The following TCERG1L variants were observed in gnomAD, a reference collection of about 807,000 sequenced individuals.
The protein encoded by TCERG1L is transcription elongation regulator 1-like protein.
Under a neutral mutation model 56.3 loss-of-function variants are expected in TCERG1L, and 37 were observed. The observed-to-expected ratio is 0.66, with a 90% CI of 0.51 to 0.87. TCERG1L has a LOEUF of 0.87. TCERG1L is among the 40% of genes least tolerant of loss of function. The pLI is 0.00. For synonymous variants in TCERG1L, 324 were observed against 326.3 expected, an observed-to-expected ratio of 0.99 and a Z score of 0.08; for missense variants, 799 against 774.2, an observed-to-expected ratio of 1.03 and a Z score of -0.38.
chr10:131,234,919 G>A (rs1845898270), intron 4 of TCERG1L, among the ~76,000 whole-genome samples: 1 of 152,192 alleles, frequency 6.6e-6, no homozygotes, highest in African/African-American at 2.4e-5. Context: ...GGCCAGGATG[G>A]TCTCGATCTT....
Position 131,237,298 on chromosome 10 carries a change from C to G in TCERG1L, c.856+22961G>C, listed in dbSNP as rs186560366. 2.3e-3 allele frequency among the ~76,000 whole-genome samples: 351 copies of G among 152,290 alleles called. 3 individuals carry two copies. The highest frequency in any genetic ancestry group is 7.9e-3 in the African/African-American group (330 of 41,564). ...CCTCCAGCCTGAGCTCCCCTCCCTC[C>G]CCTGCTCTGTCCACTTCCCATGCTG... On this transcript the variant is annotated intron_variant, in intron 4 of 11. Coordinates refer to ENST00000368642, the MANE Select transcript of TCERG1L (RefSeq NM_174937.4).
intron 9 of TCERG1L, among the ~76,000 whole-genome samples, chr10:131,108,574 C>A (rs1845377472): frequency 6.6e-6 from 1 of 152,200 alleles, no homozygotes; most frequent in African/African-American, 2.4e-5. Context: ...GGCGGCTGAC[C>A]AGTGCCCAGT....
intron 4 of TCERG1L, among the ~76,000 whole-genome samples, chr10:131,248,083 GCACA>G (rs965824856): frequency 4.0e-5 from 6 of 151,010 alleles, no homozygotes; most frequent in African/African-American, 1.5e-4. Flanking sequence ...TGACTCATAT[GCACA>G]CACACACATG....
At chr10:131,194,492 T>C (rs1274269990) in intron 4 of TCERG1L, among the ~76,000 whole-genome samples, 2 of 152,214 alleles carry the variant, frequency 1.3e-5, no homozygotes, top group Non-Finnish European at 2.9e-5. Flanking sequence ...TGTTCTCCTT[T>C]TGACTTTGCT....
In TCERG1L at chr10:131,139,692, G is replaced by C. The variant is rs199508923; in HGVS notation, c.1190-5244C>G. ...GCTATGCATATGTGTGTGTGTGTCT[G>C]TGTGTGTGTGTGTGTGTGTCTGTGT... On this transcript the variant is annotated intron_variant, in intron 7 of 11. Transcript: ENST00000368642. 2.3e-4 allele frequency among the ~76,000 whole-genome samples: 8 copies of C among 34,088 alleles called. No homozygotes were observed. The East Asian group carries it at 0.013, about 56-fold the overall frequency. The allele number at this position is 34,088 out of a possible 152,430, so 22.4% of individuals were successfully genotyped here.
intron 4 of TCERG1L, among the ~76,000 whole-genome samples, chr10:131,177,111 C>T (rs967267751): frequency 1.4e-5 from 2 of 144,622 alleles, no homozygotes; most frequent in Admixed American, 6.9e-5. Context: ...CACACACAGA[C>T]ACGTGTACAC....
At chr10:131,142,284 C>T (rs1845747157) in intron 7 of TCERG1L, among the ~76,000 whole-genome samples, 1 of 152,168 alleles carries the variant, frequency 6.6e-6, no homozygotes, top group Non-Finnish European at 1.5e-5. Context: ...TAGCTCACCA[C>T]CCTCCAGGGC....
chr10:131,215,306 C>T (rs1790233035), intron 4 of TCERG1L, among the ~76,000 whole-genome samples: 1 of 152,152 alleles, frequency 6.6e-6, no homozygotes. Context: ...GAAGATAGTC[C>T]TTAAGTCTGA....
At chr10:131,302,061 C>T (rs1033597992) in intron 3 of TCERG1L, among the ~76,000 whole-genome samples, 13 of 152,176 alleles carry the variant, frequency 8.5e-5, no homozygotes, top group African/African-American at 2.9e-4. Context: ...TTCATTTGAT[C>T]GCTTTTTTAA....
chr10:131,117,023 C>T (rs1450693622), intron 8 of TCERG1L, 89 bp from the exon 9 acceptor site: 2 of 1,460,632 alleles, frequency 1.4e-6, no homozygotes, highest in Non-Finnish European at 9.1e-7. Context: ...CTCAAGGTAA[C>T]TCTTTCAGAA....
At chr10:131,308,910 G>C (rs1191249194) in intron 2 of TCERG1L, among the ~76,000 whole-genome samples, 3 of 152,122 alleles carry the variant, frequency 2.0e-5, no homozygotes, top group Non-Finnish European at 2.9e-5. Context: ...AAAAGACTCT[G>C]ATTCAAAAAT....
chr10:131,274,382 C>A (rs1470410964), intron 3 of TCERG1L, among the ~76,000 whole-genome samples: 1 of 152,218 alleles, frequency 6.6e-6, no homozygotes, highest in Non-Finnish European at 1.5e-5. Flanking sequence ...TTTTGCTCAG[C>A]ATCCTATGGC....
chr10:131,104,120 C>CT, intron 10 of TCERG1L, 145 bp downstream of exon 10: 1 of 593,034 alleles, frequency 1.7e-6, no homozygotes, highest in Non-Finnish European at 3.0e-6. Flanking sequence ...CCCTCTAACT[C>CT]TTTTGTTCAC....
In TCERG1L at chr10:131,260,082, G is replaced by T. The variant is rs996966151; in HGVS notation, c.856+177C>A. Among the ~76,000 whole-genome samples, 1 of 152,210 alleles carries T rather than the reference G, an allele frequency of 6.6e-6. No individual in the cohort carries two copies. The highest frequency in any genetic ancestry group is 2.4e-5 in the African/African-American group (1 of 41,452). On this transcript the variant is annotated intron_variant, in intron 4 of 11. Coordinates refer to ENST00000368642, the MANE Select transcript of TCERG1L (RefSeq NM_174937.4). This position sits in a 1 kb window ranked among gnomAD's most constrained non-coding sequence, Gnocchi z 5.8. ...CAAGGTGGCTCAGTGGAGTCGGGTC[G>T]ATTTGCAGGGTCCGAAGTCAAGCAA...
chr10:131,157,361 GCTAA>G (rs1472304219), intron 6 of TCERG1L, among the ~76,000 whole-genome samples: 5 of 152,014 alleles, frequency 3.3e-5, no homozygotes, highest in African/African-American at 1.2e-4. Context: ...CACAAAAATA[GCTAA>G]CTACTCGTAA....
chr10:131,236,609 G>A (rs139851554), intron 4 of TCERG1L, among the ~76,000 whole-genome samples: 1 of 152,260 alleles, frequency 6.6e-6, no homozygotes, highest in South Asian at 2.1e-4. Flanking sequence ...ACATCTATTC[G>A]ATGACAGCCA....
intron 9 of TCERG1L, among the ~76,000 whole-genome samples, chr10:131,104,827 G>A (rs1290283584): frequency 1.3e-5 from 2 of 152,182 alleles, no homozygotes; most frequent in Non-Finnish European, 2.9e-5. Context: ...AATAGTTTTA[G>A]ACGTACTAAA....
intron 7 of TCERG1L, among the ~76,000 whole-genome samples, chr10:131,145,396 C>T (rs11017753): frequency 0.05 from 7,565 of 152,256 alleles, 275 homozygotes; most frequent in South Asian, 0.22. Context: ...AATACAGCAA[C>T]GTTTTACAGA....
chr10:131,102,169 T>A (rs1231677031), intron 10 of TCERG1L, among the ~76,000 whole-genome samples: 1 of 152,244 alleles, frequency 6.6e-6, no homozygotes, highest in Non-Finnish European at 1.5e-5. Flanking sequence ...TCACATATTT[T>A]AAAATATTTC....
Sources: gnomAD v4.1 joint callset for allele counts (sites outside exome capture counted in the v4.1 genomes callset) on GRCh38, gnomAD v4.1.1 for gene constraint, Gnocchi (gnomAD v3.1) non-coding constraint, MANE v1.5 for transcripts, NCBI Gene and HGNC (gene_info 2026-07-23, HGNC 2026-07-21) for gene names.